The following XPR1 variants were observed in gnomAD, a reference collection of about 807,000 sequenced individuals.
XPR1 encodes solute carrier family 53 member 1.
In XPR1, 28 loss-of-function variants were observed where a neutral mutation model predicts 87.5. The observed-to-expected ratio is 0.32, with a 90% CI of 0.24 to 0.44. XPR1 has a LOEUF of 0.44. Among genes scored for constraint, XPR1 ranks in the 20% least tolerant of loss-of-function variants. XPR1 has a pLI of 1.00. For missense variants in XPR1, 559 were observed against 862.3 expected, an observed-to-expected ratio of 0.65 and a Z score of 4.41; for synonymous variants, 300 against 306.1, an observed-to-expected ratio of 0.98 and a Z score of 0.21.
chr1:180,836,476 G>A, intron 10 of XPR1, 46 bp from the exon 11 acceptor site: 4 of 1,608,704 alleles, frequency 2.5e-6, no homozygotes, highest in Non-Finnish European at 2.5e-6. Flanking sequence ...ATGTGAACAA[G>A]TTACTTTTTT....
At chr1:180,817,154 A>T (rs1456382588) in intron 7 of XPR1, among the ~76,000 whole-genome samples, 1 of 152,198 alleles carries the variant, frequency 6.6e-6, no homozygotes, top group Non-Finnish European at 1.5e-5. Flanking sequence ...GGATATAAAG[A>T]AAAAATACGT....
intron 12 of XPR1, among the ~76,000 whole-genome samples, chr1:180,873,220 C>T (rs1326704254): frequency 6.6e-6 from 1 of 152,108 alleles, no homozygotes; most frequent in African/African-American, 2.4e-5. Context: ...CTCCTAAATC[C>T]TGGGTGCTAG....
intron 11 of XPR1, among the ~76,000 whole-genome samples, chr1:180,861,406 C>A (rs1652217111): frequency 6.6e-6 from 1 of 151,820 alleles, no homozygotes; most frequent in African/African-American, 2.4e-5. Context: ...TTTAATGTAG[C>A]CATGATGTGA....
intron 11 of XPR1, among the ~76,000 whole-genome samples, chr1:180,857,158 T>C (rs779665743): frequency 9.2e-5 from 14 of 152,178 alleles, no homozygotes; most frequent in Non-Finnish European, 2.1e-4. Flanking sequence ...ATATACTCTT[T>C]CTCCACCTTC....
intron 1 of XPR1, among the ~76,000 whole-genome samples, chr1:180,661,663 A>G (rs1294703740): frequency 6.6e-6 from 1 of 152,194 alleles, no homozygotes; most frequent in Admixed American, 6.5e-5. Flanking sequence ...TGAGGTCAGG[A>G]GTTCAAGACC....
At chr1:180,779,707 GGGGAGAGGGAGA>G (rs201528064) in intron 2 of XPR1, among the ~76,000 whole-genome samples, 8 of 151,838 alleles carry the variant, frequency 5.3e-5, no homozygotes, top group Non-Finnish European at 1.0e-4. Context: ...AGAGGGGGAG[GGGGAGAGGGAGA>G]GGGAGAGGGA....
chr1:180,758,021 C>T (rs1171424693), intron 2 of XPR1, among the ~76,000 whole-genome samples: 1 of 151,160 alleles, frequency 6.6e-6, no homozygotes, highest in African/African-American at 2.4e-5. Flanking sequence ...TGTGAAATGT[C>T]TTACAGAAGA....
At chr1:180,732,022 G>A (rs952741415) in intron 2 of XPR1, among the ~76,000 whole-genome samples, 1 of 151,980 alleles carries the variant, frequency 6.6e-6, no homozygotes, top group South Asian at 2.1e-4. Flanking sequence ...GCAAAGCCCC[G>A]CCTCTACTAA....
At chr1:180,787,277 G>A (rs908134394) in intron 2 of XPR1, among the ~76,000 whole-genome samples, 18 of 133,832 alleles carry the variant, frequency 1.3e-4, no homozygotes, top group African/African-American at 5.4e-4. Flanking sequence ...TTACAAAGAG[G>A]TTTTTTTTGT....
intron 4 of XPR1, among the ~76,000 whole-genome samples, chr1:180,805,601 A>AG (rs910436734): frequency 3.9e-5 from 6 of 152,082 alleles, no homozygotes; most frequent in African/African-American, 1.2e-4. Context: ...ATTGCATGGC[A>AG]GGGGGAGATA....
intron 2 of XPR1, among the ~76,000 whole-genome samples, chr1:180,712,108 A>G (rs1657819666): frequency 6.6e-6 from 1 of 152,224 alleles, no homozygotes; most frequent in South Asian, 2.1e-4. Flanking sequence ...CATACATATG[A>G]TAAAGTTTAA....
At chr1:180,818,373 A>C (rs1366138900) in intron 7 of XPR1, among the ~76,000 whole-genome samples, 1 of 151,586 alleles carries the variant, frequency 6.6e-6, no homozygotes, top group Admixed American at 6.6e-5. Context: ...TACTAACACA[A>C]CCTAGCCCCA....
At chr1:180,780,817 G>T (rs2102078852) in intron 2 of XPR1, among the ~76,000 whole-genome samples, 1 of 151,656 alleles carries the variant, frequency 6.6e-6, no homozygotes, top group South Asian at 2.1e-4. Flanking sequence ...TTGTATTCTG[G>T]ATACTAAACC....
At chr1:180,809,805 G>A (rs1270939292) in intron 6 of XPR1, among the ~76,000 whole-genome samples, 4 of 152,010 alleles carry the variant, frequency 2.6e-5, no homozygotes, top group African/African-American at 7.2e-5. Flanking sequence ...TAAATTATAT[G>A]CATTCTTTTG....
At chr1:180,849,048 T>A (rs936560798) in intron 11 of XPR1, among the ~76,000 whole-genome samples, 1 of 152,186 alleles carries the variant, frequency 6.6e-6, no homozygotes, top group Admixed American at 6.5e-5. Context: ...TACACACATG[T>A]GCGTATAATA....
intron 3 of XPR1, among the ~76,000 whole-genome samples, chr1:180,800,569 C>A (rs907440400): frequency 9.9e-5 from 15 of 152,234 alleles, no homozygotes; most frequent in Non-Finnish European, 2.1e-4. Flanking sequence ...AACCTAGCCA[C>A]ATCATGCTTG....
At chr1:180,844,639 G>GCTTATGCT (rs1227624943) in intron 11 of XPR1, among the ~76,000 whole-genome samples, 2 of 152,214 alleles carry the variant, frequency 1.3e-5, no homozygotes, top group African/African-American at 4.8e-5. Context: ...TTATGCATCT[G>GCTTATGCT]TAGGTCAGCT....
At chr1:180,650,815 G>C (rs1017243569) in intron 1 of XPR1, among the ~76,000 whole-genome samples, 3 of 152,016 alleles carry the variant, frequency 2.0e-5, no homozygotes, top group African/African-American at 7.3e-5. Context: ...CTGAGTCTTA[G>C]TTTTCTTGTA....
intron 1 of XPR1, among the ~76,000 whole-genome samples, chr1:180,657,770 A>T (rs1029391446): frequency 6.6e-6 from 1 of 151,848 alleles, no homozygotes; most frequent in Non-Finnish European, 1.5e-5. Flanking sequence ...GGCTATTCTG[A>T]GTCTTTTATG....
Sources: gnomAD v4.1 joint callset for allele counts (sites outside exome capture counted in the v4.1 genomes callset) on GRCh38, gnomAD v4.1.1 for gene constraint, MANE v1.5 for transcripts, NCBI Gene and HGNC (gene_info 2026-07-23, HGNC 2026-07-21) for gene names.